The following TRH variants were observed in gnomAD, a reference collection of about 807,000 sequenced individuals.
TRH encodes TSH-releasing factor.
In TRH, 5 loss-of-function variants were observed where a neutral mutation model predicts 5.2. That is an observed-to-expected ratio of 0.95 (90% CI 0.50 to 2.00). The LOEUF is 2.00. Ranked by LOEUF, TRH falls within the 30% of genes most tolerant of loss-of-function variation. The probability of loss-of-function intolerance (pLI) is 0.01; values close to 1 mark genes in which losing one functional copy is unlikely to be tolerated. For synonymous variants in TRH, 131 were observed against 128.6 expected (o/e 1.02, Z -0.13); for missense variants, 318 against 312.8 (o/e 1.02, Z -0.13).
In TRH at chr3:129,977,226, T is replaced by C. The variant is rs1322373068; in HGVS notation, c.*10T>C. ...GCCCCTGGAGGAGTGAACCCAGTTTTCCCTGAAGTCGAGTTTGTGGTCTAA... is the reference window on the plus strand; with the variant it reads ...GCCCCTGGAGGAGTGAACCCAGTTTCCCCTGAAGTCGAGTTTGTGGTCTAA... On this transcript the variant is annotated 3_prime_UTR_variant, in exon 3 of 3. Coordinates refer to ENST00000302649, the MANE Select transcript of TRH (RefSeq NM_007117.5). 6.6e-7 allele frequency: 1 copy of C among 1,514,776 alleles called. No homozygotes were observed. Among genetic ancestry groups the C allele is most frequent in the Non-Finnish European group, 8.8e-7 (1 of 1,134,394 alleles). 93.8% of individuals were successfully genotyped at this position (1,514,776 alleles called of 1,614,324 possible). A position where few individuals can be genotyped will look rare whatever the true frequency, so the allele number is the denominator to read the frequency against.
chr3:129,976,049 G>A (rs1278831403), intron 2 of TRH, 22 bp downstream of exon 2: 2 of 1,610,170 alleles, frequency 1.2e-6, no homozygotes, highest in Non-Finnish European at 1.7e-6. Context: ...GGGCTGTTGG[G>A]GGCTGTGGGG....
In TRH at chr3:129,976,747, G is replaced by A; in HGVS notation, c.260G>A (p.Gly87Asp). 6.2e-7 allele frequency: 1 copy of A among 1,613,966 alleles called. No homozygotes were observed. Residue 87 changes from glycine (G) to aspartate (D), a missense_variant, in exon 3 of 3, where the codon GGC becomes GAC. Coordinates refer to ENST00000302649, the MANE Select transcript of TRH (RefSeq NM_007117.5). ...SDWLSKRQHP[G>D]KREEEEEEGV... The stretch of plus-strand genomic sequence containing the variant: ...TGGCTCTCCAAACGTCAGCATCCAG[G>A]CAAAAGAGAGGAGGAGGAGGAAGAG...
Position 129,977,528 on chromosome 3 carries a change from T to G in TRH, c.*312T>G. ...CCTTCCTTAGCCTTGGCTAAGATGG[T>G]CCTTCTGTGTCTTGCAAAGACTCCC... On this transcript the variant is annotated 3_prime_UTR_variant, in exon 3 of 3. Coordinates refer to ENST00000302649, the MANE Select transcript of TRH (RefSeq NM_007117.5). 1 of 227,798 alleles carries G rather than the reference T, an allele frequency of 4.4e-6. No homozygotes were observed. Among genetic ancestry groups the G allele is most frequent in the Non-Finnish European group, 8.6e-6 (1 of 116,874 alleles). The allele number at this position is 227,798 out of a possible 1,614,324, so 14.1% of individuals were successfully genotyped here.
intron 1 of TRH, among the ~76,000 whole-genome samples, chr3:129,975,547 T>C (rs540900700): frequency 2.0e-4 from 31 of 152,264 alleles, no homozygotes; most frequent in South Asian, 1.0e-3. Flanking sequence ...ATGGGGTTCC[T>C]ACGGCCTCCT....
chr3:129,977,069 A>C lies in TRH; in HGVS notation c.582A>C (p.Gly194=). The stretch of plus-strand genomic sequence containing the variant: ...AGCATCCGGGCAAGAGGGCCCTGGG[A>C]GGCCCCTGTGGGCCCCAGGGAGCCT... ...KRQHPGKRAL[G]GPCGPQGAYG... Residue 194 remains glycine, a synonymous_variant, in exon 3 of 3, where the codon GGA becomes GGC. Coordinates refer to ENST00000302649, the MANE Select transcript of TRH (RefSeq NM_007117.5). 1 of 1,606,040 alleles carries C rather than the reference A, an allele frequency of 6.2e-7. No individual in the cohort carries two copies. The highest frequency in any genetic ancestry group is 8.5e-7 in the Non-Finnish European group (1 of 1,175,268).
At position 129,977,066 on chromosome 3, in the gene TRH, G is replaced by A; in HGVS notation, c.579G>A (p.Leu193=). The A allele has an allele frequency of 6.2e-7, 1 of 1,606,534 alleles. No homozygotes were observed. The highest frequency in any genetic ancestry group is 8.5e-7 in the Non-Finnish European group (1 of 1,175,526). Residue 193 remains leucine, a synonymous_variant, in exon 3 of 3, where the codon CTG becomes CTA. Coordinates refer to ENST00000302649, the MANE Select transcript of TRH (RefSeq NM_007117.5). Reference sequence around the variant, plus strand: ...GCCAGCATCCGGGCAAGAGGGCCCTGGGAGGCCCCTGTGGGCCCCAGGGAG... The same window carrying A: ...GCCAGCATCCGGGCAAGAGGGCCCTAGGAGGCCCCTGTGGGCCCCAGGGAG... ...EKRQHPGKRA[L]GGPCGPQGAY...
chr3:129,975,920 C>G lies in TRH; in HGVS notation c.104C>G (p.Thr35Arg), dbSNP rs567609636. ...QPEAAQQEAVTAAEHPGLDDF... is the reference protein window; with the variant it reads ...QPEAAQQEAVRAAEHPGLDDF... ...GAGGCGGCCCAGCAGGAGGCAGTGACGGCCGCGGAGCATCCGGGCCTGGAT... is the reference window on the plus strand; with the variant it reads ...GAGGCGGCCCAGCAGGAGGCAGTGAGGGCCGCGGAGCATCCGGGCCTGGAT... The change falls in exon 2 of 3, where the codon ACG (threonine) becomes AGG (arginine). Residue 35 changes from threonine to arginine, a missense_variant. Transcript: ENST00000302649. 6.2e-7 allele frequency: 1 copy of G among 1,613,482 alleles called. No individual in the cohort carries two copies. Among genetic ancestry groups the G allele is most frequent in the East Asian group, 2.2e-5 (1 of 44,878 alleles).
chr3:129,977,160 A>G lies in TRH; in HGVS notation c.673A>G (p.Lys225Glu), dbSNP rs2062550565. ...GAGTAGGAGCCAGGGAGCTGAGGAA[A>G]AGCGGCAGCACCCTGGTCGGCGGGC... ...DLSRSQGAEEKRQHPGRRAAW... is the reference protein window; with the variant it reads ...DLSRSQGAEEERQHPGRRAAW... The change falls in exon 3 of 3, where the codon AAG becomes GAG. Residue 225 changes from lysine to glutamate, a missense_variant. By Grantham distance (56) the Lys-to-Glu change is moderately conservative (BLOSUM62 1). Transcript: ENST00000302649. 1 of 1,522,468 alleles carries G rather than the reference A, an allele frequency of 6.6e-7. No homozygotes were observed. Among genetic ancestry groups the G allele is most frequent in the Admixed American group, 2.3e-5 (1 of 44,398 alleles). 94.3% of individuals were successfully genotyped at this position (1,522,468 alleles called of 1,614,324 possible). A position where few individuals can be genotyped will look rare whatever the true frequency, so the allele number is the denominator to read the frequency against.
chr3:129,975,921 G>C lies in TRH; in HGVS notation c.105G>C (p.Thr35=), dbSNP rs565156074. ...QPEAAQQEAV[T]AAEHPGLDDF... ...AGGCGGCCCAGCAGGAGGCAGTGAC[G>C]GCCGCGGAGCATCCGGGCCTGGATG... The change falls in exon 2 of 3, where the codon ACG becomes ACC. Residue 35 remains threonine (T), a synonymous_variant. Transcript: ENST00000302649. 13 of 1,613,386 alleles carry C rather than the reference G, an allele frequency of 8.1e-6. No individual in the cohort carries two copies. Among genetic ancestry groups the C allele is most frequent in the African/African-American group, 4.0e-5 (3 of 74,944 alleles).
At position 129,975,993 on chromosome 3, in the gene TRH, C is replaced by T; in HGVS notation, c.177C>T (p.Ile59=). 3.7e-6 allele frequency: 6 copies of T among 1,614,146 alleles called. No individual in the cohort carries two copies. Among genetic ancestry groups the T allele is most frequent in the Non-Finnish European group, 5.1e-6 (6 of 1,179,996 alleles). Residue 59 remains isoleucine, a synonymous_variant, in exon 2 of 3, where the codon ATC becomes ATT. Transcript: ENST00000302649. The stretch of plus-strand genomic sequence containing the variant: ...GCCTCCTCTTCCTCCGGGAAAACAT[C>T]CAGCGGCTGCAAGGGGACCAGGGTG... ...VERLLFLREN[I]QRLQGDQGEH...
At position 129,975,093 on chromosome 3, in the gene TRH, C is replaced by G. The variant is rs1439715294; in HGVS notation, c.-9+270C>G. Among the ~76,000 whole-genome samples, 5 of 152,122 alleles carry G rather than the reference C, an allele frequency of 3.3e-5. 1 individual carries two copies. The highest frequency in any genetic ancestry group is 7.4e-5 in the Non-Finnish European group (5 of 68,014). On this transcript the variant is annotated intron_variant, in intron 1 of 2. Transcript: ENST00000302649. ...GCGCGGGGTGGGAGCTCCGCGGCAC[C>G]CCCTGCCTGGGTGCCGCCGGACAGA...
chr3:129,976,804 G>T lies in TRH; in HGVS notation c.317G>T (p.Gly106Val). 1 of 1,613,840 alleles carries T rather than the reference G, an allele frequency of 6.2e-7. No homozygotes were observed. Among genetic ancestry groups the T allele is most frequent in the South Asian group, 1.1e-5 (1 of 91,060 alleles). ...GAAGAAGAGGAAGAGGAAGAAGGGG[G>T]GGCTGTGGGACCCCACAAACGGCAG... ...GVEEEEEEEG[G>V]AVGPHKRQHP... Residue 106 changes from glycine to valine, a missense_variant, in exon 3 of 3, where the codon GGG becomes GTG. Physicochemically the swap from Gly to Val is moderately radical, Grantham distance 109. Transcript: ENST00000302649.
In TRH at chr3:129,975,947, A is replaced by T; in HGVS notation, c.131A>T (p.Asp44Val). 1 of 1,613,986 alleles carries T rather than the reference A, an allele frequency of 6.2e-7. No homozygotes were observed. The highest frequency in any genetic ancestry group is 1.1e-5 in the South Asian group (1 of 91,068). Residue 44 changes from aspartate (D) to valine (V), a missense_variant, in exon 2 of 3, where the codon GAC (aspartate) becomes GTC (valine). Transcript: ENST00000302649. Reference sequence around the variant, plus strand: ...GCCGCGGAGCATCCGGGCCTGGATGACTTCCTGCGCCAGGTGGAGCGCCTC... The same window carrying T: ...GCCGCGGAGCATCCGGGCCTGGATGTCTTCCTGCGCCAGGTGGAGCGCCTC... The part of the protein sequence containing the change: ...VTAAEHPGLD[D>V]FLRQVERLLF...
rs1000967871 is a variant in TRH, at chr3:129,976,805, G to C, written c.318G>C (p.Gly106=). Residue 106 remains glycine, a synonymous_variant, in exon 3 of 3, where the codon GGG becomes GGC. Transcript: ENST00000302649. The stretch of plus-strand genomic sequence containing the variant: ...AAGAAGAGGAAGAGGAAGAAGGGGG[G>C]GCTGTGGGACCCCACAAACGGCAGC... ...GVEEEEEEEG[G]AVGPHKRQHP... 7 of 1,614,042 alleles carry C rather than the reference G, an allele frequency of 4.3e-6. No individual in the cohort carries two copies. Among genetic ancestry groups the C allele is most frequent in the South Asian group, 1.1e-5 (1 of 91,086 alleles).
chr3:129,975,277 G>A (rs1323472894), intron 1 of TRH, among the ~76,000 whole-genome samples: 2 of 152,210 alleles, frequency 1.3e-5, no homozygotes, highest in Admixed American at 6.5e-5. Context: ...TCTTAGCTTT[G>A]CAAATAGACT....
In TRH at chr3:129,975,904, C is replaced by G; in HGVS notation, c.88C>G (p.Gln30Glu). The G allele has an allele frequency of 6.2e-7, 1 of 1,613,272 alleles. No individual in the cohort carries two copies. Among genetic ancestry groups the G allele is most frequent in the Non-Finnish European group, 8.5e-7 (1 of 1,179,846 alleles). ...CGGCCGTGCTCAGCCAGAGGCGGCC[C>G]AGCAGGAGGCAGTGACGGCCGCGGA... ...PGGRAQPEAA[Q>E]QEAVTAAEHP... The change falls in exon 2 of 3, where the codon CAG becomes GAG. Residue 30 changes from glutamine to glutamate, a missense_variant. Coordinates refer to ENST00000302649, the MANE Select transcript of TRH (RefSeq NM_007117.5).
rs1560667299 is a variant in TRH at position 129,976,876 on chromosome 3, C to T, written c.389C>T (p.Thr130Ile). 4.3e-6 allele frequency: 7 copies of T among 1,613,140 alleles called. No homozygotes were observed. Among genetic ancestry groups the T allele is most frequent in the Non-Finnish European group, 5.9e-6 (7 of 1,179,694 alleles). Residue 130 changes from threonine (T) to isoleucine (I), a missense_variant, in exon 3 of 3, where the codon ACC becomes ATC. Coordinates refer to ENST00000302649, the MANE Select transcript of TRH (RefSeq NM_007117.5). ...EDEASWSVDV[T>I]QHKRQHPGRR... Reference sequence around the variant, plus strand: ...GAGGCTTCATGGTCAGTCGATGTAACCCAGCACAAGCGGCAGCATCCTGGC... The same window carrying T: ...GAGGCTTCATGGTCAGTCGATGTAATCCAGCACAAGCGGCAGCATCCTGGC...
At position 129,974,786 on chromosome 3, in the gene TRH, G is replaced by A. The variant is rs1484990565; in HGVS notation, c.-46G>A. The A allele has an allele frequency of 6.6e-6, 1 of 152,234 alleles. No individual in the cohort carries two copies. The highest frequency in any genetic ancestry group is 6.5e-5 in the Admixed American group (1 of 15,292). The allele number at this position is 152,234 out of a possible 1,614,324, so 9.4% of individuals were successfully genotyped here. ...TGCCGACTGCGGATCCCGAGTCCCCGGATCCCGGACCCATCCTGTGGAGCC... is the reference window on the plus strand; with the variant it reads ...TGCCGACTGCGGATCCCGAGTCCCCAGATCCCGGACCCATCCTGTGGAGCC... On this transcript the variant is annotated 5_prime_UTR_variant, in exon 1 of 3. Coordinates refer to ENST00000302649, the MANE Select transcript of TRH (RefSeq NM_007117.5).
intron 1 of TRH, among the ~76,000 whole-genome samples, chr3:129,975,516 A>G (rs901341407): frequency 2.6e-5 from 4 of 152,086 alleles, no homozygotes; most frequent in Admixed American, 2.0e-4. Flanking sequence ...GTCACATTGA[A>G]GGGTGGCGGT....
Sources: allele counts gnomAD v4.1 joint callset (sites outside exome capture counted in the v4.1 genomes callset), GRCh38; gene constraint gnomAD v4.1.1; transcripts MANE v1.5; gene names NCBI Gene and HGNC (gene_info 2026-07-23, HGNC 2026-07-21).